Variants in TRPM8 observed in about 807,000 individuals in gnomAD.
TRPM8 encodes the protein TRPM8 cationic channel.
TRPM8 carries 110 observed loss-of-function variants against 133.7 expected under a neutral mutation model. The observed-to-expected ratio is 0.82, with a 90% CI of 0.70 to 0.96. TRPM8 has a LOEUF of 0.96. Ranked by LOEUF, TRPM8 falls within the 40% of genes least tolerant of loss-of-function variation. TRPM8 has a pLI of 0.00. For synonymous variants in TRPM8, 535 were observed against 532.3 expected, an observed-to-expected ratio of 1.01 and a Z score of -0.07; for missense variants, 1,291 against 1,379.5, an observed-to-expected ratio of 0.94 and a Z score of 1.02.
intron 9 of TRPM8, among the ~76,000 whole-genome samples, chr2:233,951,257 A>G (rs769297137): frequency 3.3e-4 from 50 of 152,226 alleles, no homozygotes; most frequent in Non-Finnish European, 4.9e-4. Flanking sequence ...AAACAATCAA[A>G]AAAAGCATAT....
intron 2 of TRPM8, 75 bp downstream of exon 2, chr2:233,926,729 A>G (rs1008325369): frequency 1.6e-5 from 18 of 1,131,952 alleles, no homozygotes; most frequent in Admixed American, 1.1e-4. Context: ...GCATTTGCAC[A>G]TTGACTTTTA....
intron 21 of TRPM8, among the ~76,000 whole-genome samples, chr2:233,988,446 C>T (rs1692200912): frequency 6.6e-6 from 1 of 152,018 alleles, no homozygotes; most frequent in African/African-American, 2.4e-5. Flanking sequence ...AAGATTGTGC[C>T]CGCCATCTCA....
Position 233,996,331 on chromosome 2 carries a change from C to CG in TRPM8, c.2947dup (p.Val983GlyfsTer9), listed in dbSNP as rs1479015323. The CG allele has an allele frequency of 6.2e-7, 1 of 1,613,826 alleles. No homozygotes were observed. Among genetic ancestry groups the CG allele is most frequent in the African/African-American group, 1.3e-5 (1 of 74,924 alleles). The stretch of plus-strand genomic sequence containing the variant: ...CTTCTCTCTTCCCTCACCAGCTACA[C>CG]GGTGGGCACCGTCCAGGAGAACAAT... On this transcript the variant is annotated frameshift_variant, in exon 22 of 26. Coordinates refer to ENST00000324695, the MANE Select transcript of TRPM8 (RefSeq NM_024080.5). LOFTEE classifies it high-confidence loss of function.
rs371614664 is a variant in TRPM8, at chr2:233,983,603, C to T, written c.2761+379C>T. On this transcript the variant is annotated intron_variant, in intron 20 of 25. Coordinates refer to ENST00000324695, the MANE Select transcript of TRPM8 (RefSeq NM_024080.5). The stretch of plus-strand genomic sequence containing the variant: ...TCAAAAAGAGCAACATTGGAAAATC[C>T]ACATTGGAACCTGGAATTTAGACTT... Among the ~76,000 whole-genome samples, 20 of 152,274 alleles carry T rather than the reference C, an allele frequency of 1.3e-4. No homozygotes were observed. The East Asian group carries it at 2.7e-3, about 21-fold the overall frequency.
chr2:233,985,721 C>T lies in TRPM8; in HGVS notation c.2795C>T (p.Thr932Ile). 3 of 1,614,228 alleles carry T rather than the reference C, an allele frequency of 1.9e-6. No individual in the cohort carries two copies. The highest frequency in any genetic ancestry group is 1.1e-5 in the South Asian group (1 of 91,086). ...TTYDFAHCTF[T>I]GNESKPLCVE... ...TATGACTTTGCCCACTGCACCTTCA[C>T]TGGGAATGAGTCCAAGCCACTGTGT... The change falls in exon 21 of 26, where the codon ACT (threonine) becomes ATT (isoleucine). Residue 932 changes from threonine (T) to isoleucine (I), a missense_variant. Around this residue, in one of 2 missense-constraint regions of TRPM8, gnomAD observed 328 missense variants for 410.6 expected, o/e 0.80. Transcript: ENST00000324695.
At chr2:234,013,053 A>G (rs1574795940) in intron 24 of TRPM8, among the ~76,000 whole-genome samples, 1 of 152,258 alleles carries the variant, frequency 6.6e-6, no homozygotes, top group South Asian at 2.1e-4. Context: ...TTCTGTATCT[A>G]TGTTCCTCAG....
intron 1 of TRPM8, among the ~76,000 whole-genome samples, chr2:233,924,520 T>G (rs1691473501): frequency 1.3e-5 from 2 of 152,140 alleles, no homozygotes; most frequent in Admixed American, 1.3e-4. Context: ...TCAACAAACC[T>G]GCAGTACTGG....
intron 17 of TRPM8, 170 bp from the exon 18 acceptor site, chr2:233,980,018 C>T: frequency 1.6e-6 from 1 of 611,134 alleles, no homozygotes; most frequent in Non-Finnish European, 2.9e-6. Context: ...TCCAATCCTC[C>T]TGGATTAGCG....
At position 233,927,852 on chromosome 2, in the gene TRPM8, CTTT is replaced by C. The variant is rs1691581663; in HGVS notation, c.117+1199_117+1201del. Among the ~76,000 whole-genome samples the C allele has an allele frequency of 2.3e-4, 12 of 53,124 alleles. 3 individuals carry two copies. Among genetic ancestry groups the C allele is most frequent in the East Asian group, 1.1e-3 (2 of 1,860 alleles). The allele number at this position is 53,124 out of a possible 152,430, so 34.9% of individuals were successfully genotyped here. A position where few individuals can be genotyped will look rare whatever the true frequency, so the allele number is the denominator to read the frequency against. On this transcript the variant is annotated intron_variant, in intron 2 of 25. Coordinates refer to ENST00000324695, the MANE Select transcript of TRPM8 (RefSeq NM_024080.5). Reference sequence around the variant, plus strand: ...CCTTCCTTCCTTCCTTCCTTCCTTCCTTTCTTTCTCTTTCTTTCTTTCTTTCTT... The same window carrying C: ...CCTTCCTTCCTTCCTTCCTTCCTTCCCTTTCTCTTTCTTTCTTTCTTTCTT...
intron 9 of TRPM8, among the ~76,000 whole-genome samples, chr2:233,953,109 A>G (rs1022969479): frequency 6.6e-6 from 1 of 151,992 alleles, no homozygotes; most frequent in Admixed American, 6.6e-5. Flanking sequence ...TTGAACTAAG[A>G]CCTCCATCAC....
At chr2:233,978,116 C>T (rs1691915112) in intron 17 of TRPM8, among the ~76,000 whole-genome samples, 2 of 150,708 alleles carry the variant, frequency 1.3e-5, no homozygotes, top group African/African-American at 4.9e-5. Context: ...ATGGGCATTC[C>T]TGCAAGTTAA....
At chr2:233,988,434 T>C (rs943957827) in intron 21 of TRPM8, among the ~76,000 whole-genome samples, 42 of 152,124 alleles carry the variant, frequency 2.8e-4, no homozygotes, top group African/African-American at 9.4e-4. Context: ...CTCTGGAGGG[T>C]GAAGATTGTG....
chr2:233,987,465 A>G (rs1484111525), intron 21 of TRPM8, among the ~76,000 whole-genome samples: 1 of 152,216 alleles, frequency 6.6e-6, no homozygotes, highest in Admixed American at 6.5e-5. Flanking sequence ...AGGACTACAG[A>G]TGAGGGTCAC....
intron 17 of TRPM8, among the ~76,000 whole-genome samples, chr2:233,975,850 C>T (rs1409694193): frequency 2.0e-5 from 3 of 152,158 alleles, no homozygotes; most frequent in African/African-American, 4.8e-5. Flanking sequence ...CCACTGCACT[C>T]CAGCCTGGGT....
intron 25 of TRPM8, 53 bp downstream of exon 25, chr2:234,014,707 G>A: frequency 4.6e-6 from 3 of 656,986 alleles, no homozygotes; most frequent in Non-Finnish European, 4.9e-6. Context: ...CATCTTTTAA[G>A]ACTAATTTAA....
At chr2:233,940,445 C>A (rs1210678688) in intron 5 of TRPM8, among the ~76,000 whole-genome samples, 2 of 152,152 alleles carry the variant, frequency 1.3e-5, no homozygotes, top group Non-Finnish European at 2.9e-5. Context: ...CCTGAATACA[C>A]CTTATTCGTT....
intron 17 of TRPM8, among the ~76,000 whole-genome samples, chr2:233,972,154 A>G (rs1691741535): frequency 6.6e-6 from 1 of 151,778 alleles, no homozygotes; most frequent in Non-Finnish European, 1.5e-5. Flanking sequence ...CTTGAGCTAG[A>G]TACAGAGTGA....
At chr2:234,002,737 A>G (rs946486412) in intron 22 of TRPM8, among the ~76,000 whole-genome samples, 1 of 152,200 alleles carries the variant, frequency 6.6e-6, no homozygotes, top group Non-Finnish European at 1.5e-5. Context: ...TGGGAAATAT[A>G]GGGGAGAATC....
At chr2:233,920,024 C>T (rs1691376713) in intron 1 of TRPM8, among the ~76,000 whole-genome samples, 2 of 152,136 alleles carry the variant, frequency 1.3e-5, no homozygotes, top group Admixed American at 6.5e-5. Context: ...CTGAGGCCAC[C>T]TCATTAGCAC....
Sources: gnomAD v4.1 joint callset for allele counts (sites outside exome capture counted in the v4.1 genomes callset) on GRCh38, gnomAD v4.1.1 for gene constraint, gnomAD v4.1.1 regional missense constraint, MANE v1.5 for transcripts, NCBI Gene and HGNC (gene_info 2026-07-23, HGNC 2026-07-21) for gene names.